Variants in DHX38 observed in about 807,000 individuals in gnomAD.
DHX38 encodes DEAH-box helicase 38, also known as pre-mRNA-splicing factor ATP-dependent RNA helicase PRP16.
Under a neutral mutation model 153.1 loss-of-function variants are expected in DHX38, and 100 were observed. That is an observed-to-expected ratio of 0.65 (90% CI 0.56 to 0.77). The LOEUF (loss-of-function observed/expected upper bound fraction) is 0.77. Ranked by LOEUF, DHX38 falls within the 30% of genes least tolerant of loss-of-function variation. The pLI is 0.00. For synonymous variants in DHX38, 650 were observed against 631.7 expected, an observed-to-expected ratio of 1.03 and a Z score of -0.43; for missense variants, 1,440 against 1,654.0, an observed-to-expected ratio of 0.87 and a Z score of 2.24.
intron 1 of DHX38, among the ~76,000 whole-genome samples, chr16:72,095,845 C>T (rs2042007062): frequency 6.6e-6 from 1 of 151,728 alleles, no homozygotes; most frequent in South Asian, 2.1e-4. Context: ...CTTAGTGAGA[C>T]TTTTTATTGC....
rs2144187934 is a variant in DHX38 at position 72,112,822 on chromosome 16, C to T, written c.*325C>T. On this transcript the variant is annotated 3_prime_UTR_variant, in exon 27 of 27. Coordinates refer to ENST00000268482, the MANE Select transcript of DHX38 (RefSeq NM_014003.4). Reference sequence around the variant, plus strand: ...TTGGCTGTGGCTGTCTTTTTTAATCCTTGTGTAAAGCAGCAAAAAAGACCT... The same window carrying T: ...TTGGCTGTGGCTGTCTTTTTTAATCTTTGTGTAAAGCAGCAAAAAAGACCT... 3 of 702,620 alleles carry T rather than the reference C, an allele frequency of 4.3e-6. No homozygotes were observed. Among genetic ancestry groups the T allele is most frequent in the Non-Finnish European group, 7.8e-6 (3 of 384,820 alleles). 43.5% of individuals were successfully genotyped at this position (702,620 alleles called of 1,614,324 possible).
chr16:72,103,900 G>C (rs372501594), intron 13 of DHX38, 46 bp from the exon 14 acceptor site: 3 of 1,608,996 alleles, frequency 1.9e-6, no homozygotes, highest in African/African-American at 2.7e-5. Context: ...GTGTGCTGGT[G>C]GTGAGCCGGT....
In DHX38 at chr16:72,104,244, C is replaced by T. The variant is rs1375706160; in HGVS notation, c.2010+113C>T. 1.3e-5 allele frequency: 17 copies of T among 1,350,242 alleles called. No individual in the cohort carries two copies. Among genetic ancestry groups the T allele is most frequent in the Non-Finnish European group, 1.7e-5 (17 of 995,762 alleles). 83.6% of individuals were successfully genotyped at this position (1,350,242 alleles called of 1,614,324 possible). ...GGGGGTCTCTGGTAGGCCAGAGGTT[C>T]CTGAGGCCTCTGGTTGCAGTTCAGA... On this transcript the variant is annotated intron_variant, in intron 14 of 26. Transcript: ENST00000268482. The surrounding 1 kb of genome is among the most constrained non-coding windows in gnomAD (Gnocchi z 4.5).
Position 72,112,672 on chromosome 16 carries a change from T to G in DHX38, c.*175T>G. Reference sequence around the variant, plus strand: ...TCTCTGGCAGAGGAGGTGGAGTTCTTCCATGCAGGAGCACGGCATGGCGGG... The same window carrying G: ...TCTCTGGCAGAGGAGGTGGAGTTCTGCCATGCAGGAGCACGGCATGGCGGG... On this transcript the variant is annotated 3_prime_UTR_variant, in exon 27 of 27. Coordinates refer to ENST00000268482, the MANE Select transcript of DHX38 (RefSeq NM_014003.4). 1 of 743,922 alleles carries G rather than the reference T, an allele frequency of 1.3e-6. No individual in the cohort carries two copies. The highest frequency in any genetic ancestry group is 2.4e-6 in the Non-Finnish European group (1 of 422,570). The allele number at this position is 743,922 out of a possible 1,614,324, so 46.1% of individuals were successfully genotyped here.
In DHX38 at chr16:72,104,922, C is replaced by A; in HGVS notation, c.2152-105C>A. Reference sequence around the variant, plus strand: ...GTGGAGGTGTGGTGGCCCTCAAAGTCCATGGCTCCATTCCAGAGCAGTGCC... The same window carrying A: ...GTGGAGGTGTGGTGGCCCTCAAAGTACATGGCTCCATTCCAGAGCAGTGCC... On this transcript the variant is annotated intron_variant, in intron 15 of 26. Coordinates refer to ENST00000268482, the MANE Select transcript of DHX38 (RefSeq NM_014003.4). The surrounding 1 kb of genome is among the most constrained non-coding windows in gnomAD (Gnocchi z 4.5). 1 of 1,175,728 alleles carries A rather than the reference C, an allele frequency of 8.5e-7. No individual in the cohort carries two copies. The highest frequency in any genetic ancestry group is 1.2e-6 in the Non-Finnish European group (1 of 837,466). 72.8% of individuals were successfully genotyped at this position (1,175,728 alleles called of 1,614,324 possible).
chr16:72,097,875 G>A (rs2042043658), intron 4 of DHX38, 94 bp downstream of exon 4: 1 of 1,216,466 alleles, frequency 8.2e-7, no homozygotes, highest in Non-Finnish European at 1.2e-6. Context: ...GAGGCATTGA[G>A]TCAGAATTCC....
intron 2 of DHX38, 82 bp from the exon 3 acceptor site, chr16:72,096,740 C>G (rs1244607683): frequency 1.3e-6 from 2 of 1,520,970 alleles, no homozygotes; most frequent in South Asian, 1.3e-5. Context: ...AAGGACAGAT[C>G]ACTTGTTTGG....
In DHX38 at chr16:72,104,687, G is replaced by T; in HGVS notation, c.2151+61G>T. 6.2e-7 allele frequency: 1 copy of T among 1,604,988 alleles called. No homozygotes were observed. Reference sequence around the variant, plus strand: ...ATGCCACGCACTTCTCTGATGCGAAGCCGGCTGGAGGGTGGAGGGTGGGTA... The same window carrying T: ...ATGCCACGCACTTCTCTGATGCGAATCCGGCTGGAGGGTGGAGGGTGGGTA... On this transcript the variant is annotated intron_variant, in intron 15 of 26. Transcript: ENST00000268482. This position sits in a 1 kb window ranked among gnomAD's most constrained non-coding sequence, Gnocchi z 4.5.
intron 6 of DHX38, 52 bp downstream of exon 6, chr16:72,099,097 G>A (rs2042061746): frequency 6.2e-7 from 1 of 1,606,230 alleles, no homozygotes; most frequent in Non-Finnish European, 8.5e-7. Context: ...GCCCTAGCGA[G>A]GATGAGCAGG....
In DHX38 at chr16:72,107,281, C is replaced by T. The variant is rs1192349499; in HGVS notation, c.2601-59C>T. 3 of 1,515,914 alleles carry T rather than the reference C, an allele frequency of 2.0e-6. No homozygotes were observed. Among genetic ancestry groups the T allele is most frequent in the East Asian group, 4.5e-5 (2 of 44,076 alleles). 93.9% of individuals were successfully genotyped at this position (1,515,914 alleles called of 1,614,324 possible). ...TTCCTCCCTCCCTGTGGGATTTCAT[C>T]TGTACTGGCTGCTGTGGGGTTTCCT... On this transcript the variant is annotated intron_variant, in intron 19 of 26. Transcript: ENST00000268482. The surrounding 1 kb of genome is among the most constrained non-coding windows in gnomAD (Gnocchi z 5.3).
rs769586643 is a variant in DHX38 at position 72,105,990 on chromosome 16, G to C, written c.2488-15G>C. On this transcript the variant is annotated splice_polypyrimidine_tract_variant and intron_variant, in intron 18 of 26. Transcript: ENST00000268482. ...TCACTCTGTCCTTCGTCAGCTCTTT[G>C]CCGTCCCCTCCTAGGTCTTCAACCC... 6.2e-7 allele frequency: 1 copy of C among 1,611,896 alleles called. No homozygotes were observed.
intron 10 of DHX38, 114 bp downstream of exon 10, chr16:72,101,307 C>T (rs1453072242): frequency 3.9e-6 from 5 of 1,270,650 alleles, no homozygotes; most frequent in Admixed American, 4.3e-5. Flanking sequence ...TCTATCAAGT[C>T]CTTAGGCCCG....
At position 72,109,408 on chromosome 16, in the gene DHX38, C is replaced by T. The variant is rs1365303460; in HGVS notation, c.3382-7C>T. On this transcript the variant is annotated splice_polypyrimidine_tract_variant and splice_region_variant and intron_variant, in intron 24 of 26. Coordinates refer to ENST00000268482, the MANE Select transcript of DHX38 (RefSeq NM_014003.4). ...TGACCCTCGCCTCCCTGCCCTTCTG[C>T]CCGCAGGAGTATATGCAGTGTGTGA... 2.5e-6 allele frequency: 4 copies of T among 1,612,418 alleles called. No individual in the cohort carries two copies. In the South Asian group the frequency reaches 3.3e-5, roughly 13 times the overall value.
intron 11 of DHX38, 73 bp from the exon 12 acceptor site, chr16:72,103,001 G>C: frequency 6.3e-7 from 1 of 1,579,206 alleles, no homozygotes; most frequent in Non-Finnish European, 8.6e-7. Flanking sequence ...GCGTAGGAAG[G>C]AGGGCAGCAA....
chr16:72,096,629 G>C (rs2144130235), intron 2 of DHX38, 149 bp downstream of exon 2: 2 of 1,488,082 alleles, frequency 1.3e-6, no homozygotes, highest in Middle Eastern at 5.1e-4. Context: ...GTAGGAATTT[G>C]TGGGGAAAAA....
Position 72,104,892 on chromosome 16 carries a change from C to A in DHX38, c.2152-135C>A. On this transcript the variant is annotated intron_variant, in intron 15 of 26. Coordinates refer to ENST00000268482, the MANE Select transcript of DHX38 (RefSeq NM_014003.4). This position sits in a 1 kb window ranked among gnomAD's most constrained non-coding sequence, Gnocchi z 4.5. ...CTCTTGTAGAGGCCTCGCAGTCAGG[C>A]CCATGTGGAGGTGTGGTGGCCCTCA... The A allele has an allele frequency of 1.1e-6, 1 of 910,570 alleles. No homozygotes were observed. Among genetic ancestry groups the A allele is most frequent in the Non-Finnish European group, 1.6e-6 (1 of 608,024 alleles). The allele number at this position is 910,570 out of a possible 1,614,324, so 56.4% of individuals were successfully genotyped here.
chr16:72,107,644 G>C lies in DHX38; in HGVS notation c.2810-1G>C. 1.2e-6 allele frequency: 2 copies of C among 1,614,102 alleles called. No individual in the cohort carries two copies. Among genetic ancestry groups the C allele is most frequent in the Non-Finnish European group, 1.7e-6 (2 of 1,179,984 alleles). On this transcript the variant is annotated splice_acceptor_variant, in intron 20 of 26. Coordinates refer to ENST00000268482, the MANE Select transcript of DHX38 (RefSeq NM_014003.4). LOFTEE classifies it high-confidence loss of function. This position sits in a 1 kb window ranked among gnomAD's most constrained non-coding sequence, Gnocchi z 5.3. Reference sequence around the variant, plus strand: ...TATCCGGGTTTGCTCATCTCTCCTAGGTGGTCTGACCTCTACCGGGCGGCT... The same window carrying C: ...TATCCGGGTTTGCTCATCTCTCCTACGTGGTCTGACCTCTACCGGGCGGCT...
At chr16:72,095,524 TAGC>T (rs2042000626) in intron 1 of DHX38, among the ~76,000 whole-genome samples, 1 of 152,154 alleles carries the variant, frequency 6.6e-6, no homozygotes. Flanking sequence ...TATAGGAGGA[TAGC>T]AAATAATACA....
At chr16:72,101,686 C>T (rs999557779) in intron 11 of DHX38, 74 bp downstream of exon 11, 4 of 1,262,180 alleles carry the variant, frequency 3.2e-6, no homozygotes, top group African/African-American at 3.0e-5. Context: ...TGCGGCAGAA[C>T]CCATCGACTT....
Sources: allele counts gnomAD v4.1 joint callset (sites outside exome capture counted in the v4.1 genomes callset), GRCh38; gene constraint gnomAD v4.1.1; non-coding constraint Gnocchi (gnomAD v3.1); transcripts MANE v1.5; gene names NCBI Gene and HGNC (gene_info 2026-07-23, HGNC 2026-07-21).